The following CNTN5 variants were observed in gnomAD, a reference collection of about 807,000 sequenced individuals.
CNTN5 encodes contactin 5.
A neutral mutation model predicts 129.1 loss-of-function variants in CNTN5; 77 were observed. That is an observed-to-expected ratio of 0.60 (90% CI 0.50 to 0.72). CNTN5 has a LOEUF of 0.72. CNTN5 is among the 30% of genes least tolerant of loss of function. The pLI, the probability that CNTN5 is intolerant of heterozygous loss-of-function variation, is 0.00. For missense variants in CNTN5, 1,478 were observed against 1,328.8 expected (o/e 1.11, Z -1.75); for synonymous variants, 509 against 465.6 (o/e 1.09, Z -1.20).
intron 13 of CNTN5, among the ~76,000 whole-genome samples, chr11:100,095,809 A>G (rs17094346): frequency 0.068 from 10,310 of 152,120 alleles, 469 homozygotes; most frequent in Middle Eastern, 0.23. Context: ...TTTTATCTAC[A>G]CGTGTGCCTT....
At chr11:99,981,573 C>G (rs1048933512) in intron 8 of CNTN5, among the ~76,000 whole-genome samples, 1 of 152,108 alleles carries the variant, frequency 6.6e-6, no homozygotes, top group Non-Finnish European at 1.5e-5. Context: ...AATGCTTTAC[C>G]ACGTTTCTTG....
At chr11:100,090,406 T>TTTTTC (rs1339232243) in intron 13 of CNTN5, among the ~76,000 whole-genome samples, 2 of 151,840 alleles carry the variant, frequency 1.3e-5, no homozygotes, top group East Asian at 3.9e-4. Flanking sequence ...TCCCTCTTTC[T>TTTTTC]TTTTCTTTTC....
rs957529252 is a variant in CNTN5, at chr11:99,965,660, T to C, written c.877+8651T>C. 3.3e-5 allele frequency among the ~76,000 whole-genome samples: 5 copies of C among 152,304 alleles called. No homozygotes were observed. The East Asian group carries it at 9.7e-4, about 30-fold the overall frequency. On this transcript the variant is annotated intron_variant, in intron 8 of 24. Transcript: ENST00000524871. ...TGTTGATTTGGGGTGGAGAGTTCTG[T>C]AGATGTCTATTAGGTCTGCTTGGTG... is the stretch of plus-strand genomic sequence containing the variant.
intron 2 of CNTN5, among the ~76,000 whole-genome samples, chr11:99,496,255 G>A (rs967081499): frequency 6.6e-6 from 1 of 152,072 alleles, no homozygotes; most frequent in Admixed American, 6.6e-5. Context: ...TCAAAGACTA[G>A]GAACCCATGA....
At chr11:99,806,126 A>T (rs999248165) in intron 3 of CNTN5, among the ~76,000 whole-genome samples, 1 of 152,132 alleles carries the variant, frequency 6.6e-6, no homozygotes, top group Non-Finnish European at 1.5e-5. Context: ...TTGCCTGCAG[A>T]TTTGACTTAA....
intron 3 of CNTN5, among the ~76,000 whole-genome samples, chr11:99,618,951 A>G (rs930924513): frequency 6.6e-6 from 1 of 152,210 alleles, no homozygotes; most frequent in Non-Finnish European, 1.5e-5. Flanking sequence ...CAACTTTGTC[A>G]GAAGTTTTAT....
At chr11:99,957,964 T>C (rs779350663) in intron 8 of CNTN5, among the ~76,000 whole-genome samples, 19 of 151,812 alleles carry the variant, frequency 1.3e-4, no homozygotes, top group Non-Finnish European at 2.1e-4. Context: ...GTGAAGTATG[T>C]ATTATATATA....
intron 18 of CNTN5, among the ~76,000 whole-genome samples, chr11:100,290,623 C>T (rs1402597554): frequency 5.6e-5 from 8 of 142,800 alleles, no homozygotes; most frequent in African/African-American, 2.1e-4. Context: ...GGATTAAAGA[C>T]TTAAACGTTA....
chr11:100,267,390 G>A (rs1437416672), intron 17 of CNTN5, among the ~76,000 whole-genome samples: 1 of 151,958 alleles, frequency 6.6e-6, no homozygotes, highest in African/African-American at 2.4e-5. Flanking sequence ...TACTTCCTTA[G>A]AAGCTCTATC....
At chr11:99,740,494 T>A (rs1031961256) in intron 3 of CNTN5, among the ~76,000 whole-genome samples, 1 of 152,178 alleles carries the variant, frequency 6.6e-6, no homozygotes, top group Non-Finnish European at 1.5e-5. Flanking sequence ...TTATCCGTTT[T>A]TGAAGTGAAA....
chr11:99,426,648 G>A (rs1591036243), intron 2 of CNTN5, among the ~76,000 whole-genome samples: 2 of 152,154 alleles, frequency 1.3e-5, no homozygotes, highest in Admixed American at 6.5e-5. Flanking sequence ...TTAATTTATC[G>A]AAAAATACTG....
intron 2 of CNTN5, among the ~76,000 whole-genome samples, chr11:99,523,599 TAGAA>T (rs1947353263): frequency 6.2e-5 from 2 of 32,242 alleles, no homozygotes; most frequent in Non-Finnish European, 1.2e-4. Flanking sequence ...CAAAGAAAGA[TAGAA>T]TAGAATAGAA....
intron 1 of CNTN5, among the ~76,000 whole-genome samples, chr11:99,144,846 T>C (rs1207940344): frequency 6.6e-6 from 1 of 152,140 alleles, no homozygotes; most frequent in Non-Finnish European, 1.5e-5. Context: ...CTGTATTCTC[T>C]TGTATCTTTC....
intron 3 of CNTN5, among the ~76,000 whole-genome samples, chr11:99,775,118 C>T (rs533548526): frequency 3.9e-5 from 6 of 152,104 alleles, no homozygotes; most frequent in African/African-American, 1.2e-4. Context: ...ATCATTGTGG[C>T]CATACTGAGT....
At chr11:99,332,029 G>C (rs1382794234) in intron 2 of CNTN5, among the ~76,000 whole-genome samples, 2 of 152,110 alleles carry the variant, frequency 1.3e-5, no homozygotes, top group African/African-American at 2.4e-5. Flanking sequence ...AGCCACTCAA[G>C]ATGAGTTAAT....
chr11:99,916,921 C>G (rs1949805457), intron 7 of CNTN5, among the ~76,000 whole-genome samples: 1 of 151,998 alleles, frequency 6.6e-6, no homozygotes. Context: ...CAACTGGTAA[C>G]AGAATTGAAG....
At chr11:99,535,299 A>C (rs1021014099) in intron 2 of CNTN5, among the ~76,000 whole-genome samples, 1 of 152,198 alleles carries the variant, frequency 6.6e-6, no homozygotes, top group African/African-American at 2.4e-5. Context: ...GGACTAATAC[A>C]TGGAAAATTT....
intron 6 of CNTN5, among the ~76,000 whole-genome samples, chr11:99,846,914 G>T (rs571149674): frequency 6.6e-6 from 1 of 152,108 alleles, no homozygotes; most frequent in East Asian, 1.9e-4. Context: ...AGCCTAAATA[G>T]ATTCTTTTTT....
At chr11:99,452,145 C>T (rs1352951609) in intron 2 of CNTN5, among the ~76,000 whole-genome samples, 2 of 151,912 alleles carry the variant, frequency 1.3e-5, no homozygotes, top group South Asian at 2.1e-4. Flanking sequence ...AGAGCAAAGA[C>T]GTTTGCTGAC....
Sources: gnomAD v4.1 joint callset for allele counts (sites outside exome capture counted in the v4.1 genomes callset) on GRCh38, gnomAD v4.1.1 for gene constraint, MANE v1.5 for transcripts, NCBI Gene and HGNC (gene_info 2026-07-23, HGNC 2026-07-21) for gene names.